FANCC: variants seen among roughly 807,000 people sequenced by gnomAD.
FANCC encodes the protein Fanconi anemia group C protein.
In FANCC, 55 loss-of-function variants were observed where a neutral mutation model predicts 71.3. The observed-to-expected ratio is 0.77, with a 90% CI of 0.62 to 0.97. The LOEUF (loss-of-function observed/expected upper bound fraction) is 0.97, where lower values mean the gene tolerates loss of function less well. Ranked by LOEUF, FANCC falls within the 50% of genes least tolerant of loss-of-function variation. The pLI is 0.00. For missense variants in FANCC, 678 were observed against 670.9 expected (o/e 1.01, Z -0.12); for synonymous variants, 275 against 244.9 (o/e 1.12, Z -1.15).
chr9:95,121,708 A>C (rs1456729895), intron 10 of FANCC, among the ~76,000 whole-genome samples: 2 of 152,198 alleles, frequency 1.3e-5, no homozygotes, highest in Non-Finnish European at 2.9e-5. Context: ...TGGAAAAGCA[A>C]GTCTCAAAAG....
intron 1 of FANCC, among the ~76,000 whole-genome samples, chr9:95,269,831 T>G (rs772301921): frequency 1.3e-5 from 2 of 151,936 alleles, no homozygotes; most frequent in African/African-American, 2.4e-5. Flanking sequence ...GACGAGAGAT[T>G]TGGAAAAGAA....
intron 4 of FANCC, among the ~76,000 whole-genome samples, chr9:95,186,794 T>TTTTA (rs1469394814): frequency 3.3e-5 from 5 of 150,306 alleles, no homozygotes; most frequent in African/African-American, 1.2e-4. Context: ...TGTTGGATTT[T>TTTTA]TTTTTTTTTT....
intron 7 of FANCC, among the ~76,000 whole-genome samples, chr9:95,139,076 T>C (rs1588145384): frequency 6.6e-6 from 1 of 152,356 alleles, no homozygotes; most frequent in East Asian, 1.9e-4. Context: ...ATATGCTTGC[T>C]TAACAGAATT....
chr9:95,111,137 C>G, intron 13 of FANCC: 1 of 1,534,174 alleles, frequency 6.5e-7, no homozygotes, highest in South Asian at 1.2e-5. Flanking sequence ...CCCGCCTCTG[C>G]AGGGCACGCC....
intron 4 of FANCC, among the ~76,000 whole-genome samples, chr9:95,188,013 C>T (rs907802338): frequency 6.6e-6 from 1 of 151,204 alleles, no homozygotes; most frequent in African/African-American, 2.4e-5. Flanking sequence ...ATGTAAATCG[C>T]CCGGCTAGAG....
intron 4 of FANCC, among the ~76,000 whole-genome samples, chr9:95,192,398 C>T (rs1446235556): frequency 6.6e-6 from 1 of 152,204 alleles, no homozygotes; most frequent in Non-Finnish European, 1.5e-5. Flanking sequence ...AGTAGTGACA[C>T]AGAAACTGGA....
At chr9:95,110,753 G>GT (rs1302213984) in intron 13 of FANCC, 1 of 1,099,520 alleles carries the variant, frequency 9.1e-7, no homozygotes, top group African/African-American at 1.6e-5. Context: ...AGCACTGGCA[G>GT]TTGAAGTTTT....
intron 4 of FANCC, among the ~76,000 whole-genome samples, chr9:95,176,250 T>C (rs2135624341): frequency 6.6e-6 from 1 of 152,310 alleles, no homozygotes; most frequent in Non-Finnish European, 1.5e-5. Context: ...CCACTGTCCA[T>C]GAGACTGTTG....
At chr9:95,213,304 A>C (rs1828623924) in intron 4 of FANCC, among the ~76,000 whole-genome samples, 1 of 152,174 alleles carries the variant, frequency 6.6e-6, no homozygotes, top group Admixed American at 6.5e-5. Flanking sequence ...GTAGAGATGA[A>C]AGGAAACAGT....
chr9:95,294,661 C>T, intron 1 of FANCC: 1 of 1,589,872 alleles, frequency 6.3e-7, no homozygotes, highest in Admixed American at 1.7e-5. Flanking sequence ...GTTTGAAACC[C>T]TGGGGAGCTT....
Position 95,249,119 on chromosome 9 carries a change from C to T in FANCC, c.165+8G>A. On this transcript the variant is annotated splice_region_variant and intron_variant, in intron 2 of 14. Coordinates refer to ENST00000289081, the MANE Select transcript of FANCC (RefSeq NM_000136.3). ...AAAATAATTTCATTATTCTGGTCCA[C>T]TACTTACCATCTCTTTCAAGGCTTC... The T allele has an allele frequency of 6.2e-7, 1 of 1,613,588 alleles. No individual in the cohort carries two copies. The highest frequency in any genetic ancestry group is 8.5e-7 in the Non-Finnish European group (1 of 1,179,764).
At chr9:95,124,537 G>A (rs143006543) in intron 10 of FANCC, among the ~76,000 whole-genome samples, 9 of 152,202 alleles carry the variant, frequency 5.9e-5, no homozygotes, top group Admixed American at 1.3e-4. Flanking sequence ...CACACCTCCC[G>A]CTCACTGCCC....
intron 1 of FANCC, among the ~76,000 whole-genome samples, chr9:95,266,917 AT>A (rs1588387374): frequency 6.6e-6 from 1 of 152,196 alleles, no homozygotes; most frequent in East Asian, 1.9e-4. Flanking sequence ...GGCACGGTAA[AT>A]TCACTTTTGG....
At chr9:95,141,270 C>CCACT (rs1191469159) in intron 7 of FANCC, among the ~76,000 whole-genome samples, 5 of 122,876 alleles carry the variant, frequency 4.1e-5, no homozygotes, top group Non-Finnish European at 6.3e-5. Context: ...CATGACTGTA[C>CCACT]CACTGCACTC....
At chr9:95,108,015 C>G (rs1374942559) in intron 13 of FANCC, among the ~76,000 whole-genome samples, 3 of 152,182 alleles carry the variant, frequency 2.0e-5, no homozygotes, top group African/African-American at 7.2e-5. Context: ...AAGCAAAAAC[C>G]GAAAGCCCAT....
At chr9:95,280,577 T>C (rs1833327444) in intron 1 of FANCC, among the ~76,000 whole-genome samples, 1 of 152,134 alleles carries the variant, frequency 6.6e-6, no homozygotes. Context: ...TGTGCTCTGA[T>C]GACAAAAAAA....
At chr9:95,153,362 T>C (rs1380274277) in intron 6 of FANCC, among the ~76,000 whole-genome samples, 1 of 152,222 alleles carries the variant, frequency 6.6e-6, no homozygotes, top group African/African-American at 2.4e-5. Context: ...TTTGGGTAGA[T>C]AGCCAGTAGT....
chr9:95,275,170 G>A (rs892936790), intron 1 of FANCC, among the ~76,000 whole-genome samples: 3 of 151,656 alleles, frequency 2.0e-5, no homozygotes, highest in African/African-American at 7.3e-5. Context: ...TGTACTCCCA[G>A]ATACTCAGGA....
At chr9:95,271,066 G>A (rs116701246) in intron 1 of FANCC, among the ~76,000 whole-genome samples, 1,586 of 152,260 alleles carry the variant, frequency 0.01, 30 homozygotes, top group African/African-American at 0.037. Context: ...GGACAGTCGT[G>A]CCCCAGAGGG....
Sources: gnomAD v4.1 joint callset for allele counts (sites outside exome capture counted in the v4.1 genomes callset) on GRCh38, gnomAD v4.1.1 for gene constraint, MANE v1.5 for transcripts, NCBI Gene and HGNC (gene_info 2026-07-23, HGNC 2026-07-21) for gene names.